GON4L: variants seen among roughly 807,000 people sequenced by gnomAD.
GON4L encodes the protein gon-4 like.
Under a neutral mutation model 211.8 loss-of-function variants are expected in GON4L, and 87 were observed. That is an observed-to-expected ratio of 0.41 (90% CI 0.35 to 0.49). The LOEUF (loss-of-function observed/expected upper bound fraction) is 0.49. GON4L is among the 20% of genes least tolerant of loss of function. GON4L has a pLI of 0.15. For missense variants in GON4L, 2,155 were observed against 2,659.5 expected (o/e 0.81, Z 4.17); for synonymous variants, 875 against 962.6 (o/e 0.91, Z 1.68).
chr1:155,835,441 G>A (rs1670208087), intron 2 of GON4L, among the ~76,000 whole-genome samples: 1 of 148,080 alleles, frequency 6.8e-6, no homozygotes, highest in African/African-American at 2.5e-5. Context: ...CCCTCTGCGA[G>A]AAACACCCAA....
At chr1:155,824,193 C>T (rs1004851784) in intron 3 of GON4L, among the ~76,000 whole-genome samples, 3 of 151,358 alleles carry the variant, frequency 2.0e-5, no homozygotes, top group East Asian at 2.0e-4. Context: ...GAAGCCAAGG[C>T]GGGCAGATCA....
rs1668045898 is a variant in GON4L at position 155,814,345 on chromosome 1, A to T, written c.1266T>A (p.Ser422Arg). ...SSEMTETDEE[S>R]GILSEAEKVT... ...GCCGATTTACCTCTGATAATATGCC[A>T]CTCTCCTCATCTGTTTCAGTCATCT... The change falls in exon 9 of 32, where the codon AGT becomes AGA. Residue 422 changes from serine to arginine, a missense_variant. Transcript: ENST00000368331. 6.2e-7 allele frequency: 1 copy of T among 1,613,132 alleles called. No homozygotes were observed. The highest frequency in any genetic ancestry group is 8.5e-7 in the Non-Finnish European group (1 of 1,179,336).
chr1:155,793,824 G>A (rs552405872), intron 12 of GON4L, among the ~76,000 whole-genome samples: 11 of 152,138 alleles, frequency 7.2e-5, no homozygotes, highest in Non-Finnish European at 1.5e-4. Flanking sequence ...TGCCTATGCC[G>A]GTCTCGAACT....
chr1:155,853,681 G>T lies in GON4L; in HGVS notation c.100C>A (p.Pro34Thr). The T allele has an allele frequency of 1.2e-6, 2 of 1,613,572 alleles. No individual in the cohort carries two copies. The highest frequency in any genetic ancestry group is 1.7e-6 in the Non-Finnish European group (2 of 1,179,494). ...AAGTCCTTAACCTGGTCAGATTCTG[G>T]TTTAACGGCTGATTCTAGGTCTACG... ...NNVDLESAVK[P>T]ESDQVKDLSS... Residue 34 changes from proline (P) to threonine (T), a missense_variant, in exon 2 of 32, where the codon CCA (proline) becomes ACA (threonine). Transcript: ENST00000368331.
chr1:155,830,606 A>C (rs1352318649), intron 2 of GON4L, among the ~76,000 whole-genome samples: 2 of 151,866 alleles, frequency 1.3e-5, no homozygotes, highest in Admixed American at 1.3e-4. Flanking sequence ...GTTGTTGCTG[A>C]GACAGGGTCT....
At chr1:155,776,833 G>T (rs1663868733) in intron 15 of GON4L, among the ~76,000 whole-genome samples, 1 of 152,168 alleles carries the variant, frequency 6.6e-6, no homozygotes, top group Non-Finnish European at 1.5e-5. Flanking sequence ...GATTACAGGT[G>T]TGAGCCACCG....
At chr1:155,793,527 A>G (rs1411701356) in intron 12 of GON4L, among the ~76,000 whole-genome samples, 3 of 152,170 alleles carry the variant, frequency 2.0e-5, no homozygotes, top group Admixed American at 6.6e-5. Context: ...CTTATGAAAT[A>G]TATTTTTTAT....
intron 14 of GON4L, among the ~76,000 whole-genome samples, chr1:155,782,923 T>G (rs1260756541): frequency 6.6e-6 from 1 of 152,162 alleles, no homozygotes; most frequent in Non-Finnish European, 1.5e-5. Context: ...CCTCCCAAAG[T>G]GCAGGGATTA....
upstream of GON4L, among the ~76,000 whole-genome samples, chr1:155,858,893 C>A (rs2102547336): frequency 6.6e-6 from 1 of 152,020 alleles, no homozygotes; most frequent in Admixed American, 6.6e-5. Context: ...GGGGGTTTCA[C>A]CATGCTGGCC....
intron 10 of GON4L, among the ~76,000 whole-genome samples, chr1:155,810,817 C>G (rs894787968): frequency 6.6e-6 from 1 of 151,836 alleles, no homozygotes; most frequent in African/African-American, 2.4e-5. Flanking sequence ...CAGTTCAAAA[C>G]CAGCCTGGCC....
chr1:155,774,341 C>A (rs1308390464), intron 17 of GON4L, among the ~76,000 whole-genome samples: 1 of 141,294 alleles, frequency 7.1e-6, no homozygotes, highest in African/African-American at 2.6e-5. Flanking sequence ...CTGAGTCTCG[C>A]TCTGTCGCCC....
intron 12 of GON4L, among the ~76,000 whole-genome samples, chr1:155,791,229 T>C (rs1332853343): frequency 1.3e-5 from 2 of 152,230 alleles, no homozygotes; most frequent in South Asian, 2.1e-4. Context: ...ACCATTGCAC[T>C]CTAGCCTGGG....
At chr1:155,816,323 T>C (rs1668234146) in intron 6 of GON4L, 61 bp from the exon 7 acceptor site, 1 of 817,502 alleles carries the variant, frequency 1.2e-6, no homozygotes, top group Non-Finnish European at 2.1e-6. Flanking sequence ...TTTTCATGTT[T>C]ACTTCCTCTG....
intron 10 of GON4L, among the ~76,000 whole-genome samples, chr1:155,808,973 G>A (rs573540279): frequency 3.3e-5 from 5 of 151,978 alleles, no homozygotes; most frequent in Non-Finnish European, 5.9e-5. Flanking sequence ...GAGTATAGGG[G>A]TGCAGTCATG....
chr1:155,784,205 C>A, intron 13 of GON4L, 116 bp from the exon 14 acceptor site: 1 of 1,373,380 alleles, frequency 7.3e-7, no homozygotes. Flanking sequence ...TGCTGGCACC[C>A]AGAAAGAGCC....
chr1:155,777,716 T>TC lies in GON4L; in HGVS notation c.1996dup (p.Glu666GlyfsTer6). 1 of 1,612,884 alleles carries TC rather than the reference T, an allele frequency of 6.2e-7. No individual in the cohort carries two copies. The highest frequency in any genetic ancestry group is 8.5e-7 in the Non-Finnish European group (1 of 1,178,880). Reference sequence around the variant, plus strand: ...ACTCTGGGGTTTAACCTTCTCTACTTCCTGCAGCTGTTTGGCTGAAGATTT... The same window carrying TC: ...ACTCTGGGGTTTAACCTTCTCTACTTCCCTGCAGCTGTTTGGCTGAAGATTT... On this transcript the variant is annotated frameshift_variant, in exon 15 of 32. Coordinates refer to ENST00000368331, the MANE Select transcript of GON4L (RefSeq NM_001282860.2). LOFTEE classifies it high-confidence loss of function.
chr1:155,839,131 T>C (rs1420331820), intron 2 of GON4L, among the ~76,000 whole-genome samples: 1 of 152,190 alleles, frequency 6.6e-6, no homozygotes, highest in African/African-American at 2.4e-5. Context: ...ATTCAAATTA[T>C]GGACTTGAAA....
chr1:155,745,530 G>A (rs1350731844), downstream of GON4L, among the ~76,000 whole-genome samples: 6 of 152,230 alleles, frequency 3.9e-5, no homozygotes, highest in African/African-American at 1.4e-4. Flanking sequence ...TCCGCGGCCC[G>A]CGCCCTGGCG....
intron 31 of GON4L, among the ~76,000 whole-genome samples, chr1:155,751,285 C>T (rs1425831999): frequency 1.3e-5 from 2 of 152,126 alleles, no homozygotes; most frequent in Non-Finnish European, 1.5e-5. Flanking sequence ...CGCAGTATCT[C>T]ACCTATTCCC....
Sources: gnomAD v4.1 joint callset for allele counts (sites outside exome capture counted in the v4.1 genomes callset) on GRCh38, gnomAD v4.1.1 for gene constraint, MANE v1.5 for transcripts, NCBI Gene and HGNC (gene_info 2026-07-23, HGNC 2026-07-21) for gene names.